MED13L: variants seen among roughly 807,000 people sequenced by gnomAD.
MED13L encodes mediator of RNA polymerase II transcription subunit 13-like.
A neutral mutation model predicts 220.9 loss-of-function variants in MED13L; 7 were observed. That is an observed-to-expected ratio of 0.03 (90% CI 0.02 to 0.06). MED13L has a LOEUF of 0.06. MED13L is among the 10% of genes least tolerant of loss of function. The pLI, the probability that MED13L is intolerant of heterozygous loss-of-function variation, is 1.00. For synonymous variants in MED13L, 1,011 were observed against 1,015.2 expected, an observed-to-expected ratio of 1.00 and a Z score of 0.08; for missense variants, 1,965 against 2,760.5, an observed-to-expected ratio of 0.71 and a Z score of 6.46.
chr12:116,122,596 T>C (rs552818976), intron 2 of MED13L, among the ~76,000 whole-genome samples: 2 of 152,294 alleles, frequency 1.3e-5, no homozygotes, highest in South Asian at 2.1e-4. Flanking sequence ...GGATAGAAGA[T>C]ACATACTAAA....
At chr12:116,245,224 G>A (rs1870997148) in intron 1 of MED13L, among the ~76,000 whole-genome samples, 1 of 152,108 alleles carries the variant, frequency 6.6e-6, no homozygotes, top group Non-Finnish European at 1.5e-5. Flanking sequence ...TAAGCACCCA[G>A]AAAACTAGCA....
chr12:116,160,761 T>TG (rs1878797533), intron 2 of MED13L, among the ~76,000 whole-genome samples: 1 of 150,956 alleles, frequency 6.6e-6, no homozygotes, highest in Non-Finnish European at 1.5e-5. Flanking sequence ...TTTTTTATTT[T>TG]TTTTTTTTTT....
rs556048904 is a variant in MED13L at position 116,151,380 on chromosome 12, C to G, written c.311-39868G>C. Among the ~76,000 whole-genome samples, 38 of 152,196 alleles carry G rather than the reference C, an allele frequency of 2.5e-4. 1 individual carries two copies. Among genetic ancestry groups the G allele is most frequent in the African/African-American group, 9.1e-4 (38 of 41,536 alleles). On this transcript the variant is annotated intron_variant, in intron 2 of 30. Coordinates refer to ENST00000281928, the MANE Select transcript of MED13L (RefSeq NM_015335.5). ...TCACATCCTACCTTCAAATTGCCTC[C>G]TCAATGAAAAAGAAAATTATTTTAA...
intron 2 of MED13L, among the ~76,000 whole-genome samples, chr12:116,147,592 G>T (rs183378670): frequency 1.3e-5 from 2 of 152,124 alleles, no homozygotes; most frequent in East Asian, 3.9e-4. Flanking sequence ...CAACCTAAAG[G>T]TCATCTTGTA....
intron 2 of MED13L, among the ~76,000 whole-genome samples, chr12:116,132,403 G>A (rs1032320788): frequency 3.3e-5 from 5 of 151,510 alleles, no homozygotes; most frequent in African/African-American, 1.2e-4. Flanking sequence ...TGTCATTTTT[G>A]CAGCAACTCT....
At chr12:116,145,894 G>A (rs1259362328) in intron 2 of MED13L, among the ~76,000 whole-genome samples, 1 of 151,844 alleles carries the variant, frequency 6.6e-6, no homozygotes, top group Non-Finnish European at 1.5e-5. Context: ...ATAGAGGCAT[G>A]CTTTAATCGT....
At chr12:115,974,044 A>G (rs994210221) in intron 25 of MED13L, among the ~76,000 whole-genome samples, 38 of 148,958 alleles carry the variant, frequency 2.6e-4, no homozygotes, top group Non-Finnish European at 4.5e-4. Context: ...ATTTCCTATA[A>G]AAAAAAAAAG....
intron 2 of MED13L, among the ~76,000 whole-genome samples, chr12:116,188,273 A>G (rs985742904): frequency 1.6e-4 from 25 of 152,178 alleles, no homozygotes; most frequent in African/African-American, 5.3e-4. Flanking sequence ...TAGTTTGAGC[A>G]TAAGTATTCA....
intron 4 of MED13L, among the ~76,000 whole-genome samples, chr12:116,087,357 AG>A (rs1871784545): frequency 6.6e-6 from 1 of 152,220 alleles, no homozygotes; most frequent in African/African-American, 2.4e-5. Context: ...TAAACTAATG[AG>A]GAAAAAAATG....
intron 5 of MED13L, among the ~76,000 whole-genome samples, chr12:116,020,435 C>T (rs1215086892): frequency 2.0e-5 from 3 of 152,126 alleles, no homozygotes; most frequent in African/African-American, 7.2e-5. Context: ...ACATGGAGAC[C>T]GCAAATGCTG....
chr12:116,057,502 G>A (rs1260872327), intron 4 of MED13L, among the ~76,000 whole-genome samples: 1 of 151,574 alleles, frequency 6.6e-6, no homozygotes, highest in East Asian at 1.9e-4. Flanking sequence ...AGAATATTCT[G>A]TCATCAGCAC....
intron 4 of MED13L, among the ~76,000 whole-genome samples, chr12:116,070,289 G>C (rs1870266258): frequency 6.6e-6 from 1 of 152,094 alleles, no homozygotes; most frequent in Non-Finnish European, 1.5e-5. Flanking sequence ...TAATCTCTCT[G>C]AGCTTTACTT....
At chr12:116,069,681 A>G (rs1870222239) in intron 4 of MED13L, among the ~76,000 whole-genome samples, 1 of 152,170 alleles carries the variant, frequency 6.6e-6, no homozygotes, top group South Asian at 2.1e-4. Context: ...TCCAAATCCA[A>G]AACAGTCCAA....
chr12:116,086,372 C>T (rs1871689758), intron 4 of MED13L, among the ~76,000 whole-genome samples: 1 of 151,214 alleles, frequency 6.6e-6, no homozygotes, highest in South Asian at 2.1e-4. Context: ...CAACCTCCGC[C>T]TCCCGGGTTC....
At chr12:116,107,269 T>C (rs1326668489) in intron 3 of MED13L, among the ~76,000 whole-genome samples, 6 of 152,242 alleles carry the variant, frequency 3.9e-5, no homozygotes, top group African/African-American at 1.4e-4. Context: ...CTTGAGTAAG[T>C]AGCAGTGATC....
intron 14 of MED13L, among the ~76,000 whole-genome samples, chr12:116,000,670 A>G (rs1168494337): frequency 2.0e-5 from 3 of 152,244 alleles, no homozygotes; most frequent in African/African-American, 7.2e-5. Context: ...CAAATGCGAA[A>G]ATTTGTAAGA....
intron 2 of MED13L, among the ~76,000 whole-genome samples, chr12:116,214,434 TA>T (rs527377015): frequency 2.6e-5 from 4 of 151,648 alleles, no homozygotes; most frequent in African/African-American, 9.7e-5. Flanking sequence ...CAAAAAGGTT[TA>T]AAAAAAAGCT....
chr12:115,976,086 A>G (rs1876917845), intron 23 of MED13L, among the ~76,000 whole-genome samples: 1 of 152,234 alleles, frequency 6.6e-6, no homozygotes, highest in Non-Finnish European at 1.5e-5. Flanking sequence ...AAATAAAAAA[A>G]GAGAAAATAT....
chr12:116,054,197 C>CA (rs1868748481), intron 4 of MED13L, among the ~76,000 whole-genome samples: 1 of 149,742 alleles, frequency 6.7e-6, no homozygotes, highest in African/African-American at 2.4e-5. Context: ...AACTATTACA[C>CA]ACACACACAC....
Sources: gnomAD v4.1 joint callset for allele counts (sites outside exome capture counted in the v4.1 genomes callset) on GRCh38, gnomAD v4.1.1 for gene constraint, MANE v1.5 for transcripts, NCBI Gene and HGNC (gene_info 2026-07-23, HGNC 2026-07-21) for gene names.